Variants in MAP2K5 observed in about 807,000 individuals in gnomAD.
The protein encoded by MAP2K5 is dual specificity mitogen-activated protein kinase kinase 5.
MAP2K5 carries 49 observed loss-of-function variants against 83.1 expected under a neutral mutation model. The ratio of observed to expected loss-of-function variants is 0.59; its 90% CI spans 0.47 to 0.75. The LOEUF is 0.75. Ranked by LOEUF, MAP2K5 falls within the 30% of genes least tolerant of loss-of-function variation. MAP2K5 has a pLI of 0.00. For missense variants in MAP2K5, 457 were observed against 557.5 expected, an observed-to-expected ratio of 0.82 and a Z score of 1.82; for synonymous variants, 202 against 191.8, an observed-to-expected ratio of 1.05 and a Z score of -0.44.
intron 17 of MAP2K5, among the ~76,000 whole-genome samples, chr15:67,741,404 C>T (rs990702052): frequency 6.6e-6 from 1 of 152,204 alleles, no homozygotes; most frequent in African/African-American, 2.4e-5. Context: ...CCTTAGTAGG[C>T]TTCTTCCTTC....
intron 8 of MAP2K5, among the ~76,000 whole-genome samples, chr15:67,629,506 A>G (rs553926758): frequency 4.6e-5 from 7 of 152,282 alleles, no homozygotes; most frequent in African/African-American, 1.7e-4. Flanking sequence ...ATTTTCTGCT[A>G]AACAGCAGAA....
In MAP2K5 at chr15:67,802,082, G is replaced by C. The variant is rs1161789646; in HGVS notation, c.1243-4564G>C. Reference sequence around the variant, plus strand: ...CTTGCCCACAAGATGAGCACACCAAGCCCTGCCCCCTGCCTCCACGTGGGA... The same window carrying C: ...CTTGCCCACAAGATGAGCACACCAACCCCTGCCCCCTGCCTCCACGTGGGA... On this transcript the variant is annotated intron_variant, in intron 21 of 21. Transcript: ENST00000178640. This position sits in a 1 kb window ranked among gnomAD's most constrained non-coding sequence, Gnocchi z 5.0. 2.0e-5 allele frequency among the ~76,000 whole-genome samples: 3 copies of C among 152,196 alleles called. No homozygotes were observed. Among genetic ancestry groups the C allele is most frequent in the African/African-American group, 7.2e-5 (3 of 41,440 alleles).
chr15:67,623,088 C>T (rs896142660), intron 8 of MAP2K5, among the ~76,000 whole-genome samples: 2 of 152,096 alleles, frequency 1.3e-5, no homozygotes, highest in East Asian at 3.9e-4. Context: ...GGCGACAGAG[C>T]GAGACTCCGT....
At chr15:67,557,083 A>G (rs960738607) in intron 2 of MAP2K5, among the ~76,000 whole-genome samples, 6 of 152,222 alleles carry the variant, frequency 3.9e-5, no homozygotes, top group Admixed American at 2.0e-4. Flanking sequence ...CTTGACATTC[A>G]TATAGGCCCA....
rs947591963 is a variant in MAP2K5, at chr15:67,794,402, G to A, written c.1243-12244G>A. The stretch of plus-strand genomic sequence containing the variant: ...TTTTCGAAGAGTTTGCTTCCTTTTT[G>A]TGCATTTCCTTTTTTAAAAAAGGAG... On this transcript the variant is annotated intron_variant, in intron 21 of 21. Transcript: ENST00000178640. The surrounding 1 kb of genome is among the most constrained non-coding windows in gnomAD (Gnocchi z 4.6). Among the ~76,000 whole-genome samples, 1 of 152,054 alleles carries A rather than the reference G, an allele frequency of 6.6e-6. No individual in the cohort carries two copies. Among genetic ancestry groups the A allele is most frequent in the Non-Finnish European group, 1.5e-5 (1 of 68,020 alleles).
At chr15:67,578,932 T>C (rs531252490) in intron 3 of MAP2K5, among the ~76,000 whole-genome samples, 2 of 152,322 alleles carry the variant, frequency 1.3e-5, no homozygotes, top group South Asian at 4.1e-4. Context: ...AATTAACTTG[T>C]TAGATAAAGC....
rs2089643391 is a variant in MAP2K5 at position 67,748,106 on chromosome 15, A to G, written c.1075-125A>G. On this transcript the variant is annotated intron_variant, in intron 17 of 21. Transcript: ENST00000178640. The surrounding 1 kb of genome is among the most constrained non-coding windows in gnomAD (Gnocchi z 4.0). The stretch of plus-strand genomic sequence containing the variant: ...TAACATTTGTGTATTTTCATTATGT[A>G]AATTGTGTTAACACATGCCCACAAA... 6.2e-6 allele frequency: 4 copies of G among 648,796 alleles called. No individual in the cohort carries two copies. The South Asian group carries it at 8.5e-5, about 14-fold the overall frequency. The allele number at this position is 648,796 out of a possible 1,614,324, so 40.2% of individuals were successfully genotyped here.
Position 67,746,287 on chromosome 15 carries a change from TCTC to T in MAP2K5, c.1075-1940_1075-1938del, listed in dbSNP as rs1168737442. Among the ~76,000 whole-genome samples, 1 of 152,220 alleles carries T rather than the reference TCTC, an allele frequency of 6.6e-6. No homozygotes were observed. Among genetic ancestry groups the T allele is most frequent in the Non-Finnish European group, 1.5e-5 (1 of 68,034 alleles). On this transcript the variant is annotated intron_variant, in intron 17 of 21. Coordinates refer to ENST00000178640, the MANE Select transcript of MAP2K5 (RefSeq NM_145160.3). The surrounding 1 kb of genome is among the most constrained non-coding windows in gnomAD (Gnocchi z 4.1). The stretch of plus-strand genomic sequence containing the variant: ...CTCACTTAGAATGTTTGCTGCATGT[TCTC>T]CTCAGAGAATGTTGTCATCCCCCTG...
chr15:67,622,654 T>C (rs1250455832), intron 8 of MAP2K5, among the ~76,000 whole-genome samples: 1 of 151,870 alleles, frequency 6.6e-6, no homozygotes, highest in Non-Finnish European at 1.5e-5. Flanking sequence ...GCATAAAGAA[T>C]AGAAAGATGA....
chr15:67,759,791 G>T (rs569130575), intron 19 of MAP2K5, among the ~76,000 whole-genome samples: 1 of 152,278 alleles, frequency 6.6e-6, no homozygotes, highest in South Asian at 2.1e-4. Flanking sequence ...GACCCACAGT[G>T]TCTGACTATA....
chr15:67,547,055 A>T (rs8039797), intron 1 of MAP2K5, among the ~76,000 whole-genome samples: 2 of 146,618 alleles, frequency 1.4e-5, no homozygotes, highest in African/African-American at 5.1e-5. Context: ...ACAGAGCGAG[A>T]CCCTATCTCA....
chr15:67,584,858 A>G (rs766781139), intron 4 of MAP2K5, among the ~76,000 whole-genome samples: 15 of 151,238 alleles, frequency 9.9e-5, no homozygotes, highest in Non-Finnish European at 1.8e-4. Flanking sequence ...CACCATGCCC[A>G]GCTAATTTTT....
chr15:67,807,046 T>A lies in MAP2K5; in HGVS notation c.*296T>A. ...CCTGCCCACTTCTGTTTTCCTAATG[T>A]TTTTCTCTATAAAGGGTCAGGCCCG... On this transcript the variant is annotated 3_prime_UTR_variant, in exon 22 of 22. Transcript: ENST00000178640. This position sits in a 1 kb window ranked among gnomAD's most constrained non-coding sequence, Gnocchi z 5.1. 4.4e-6 allele frequency: 5 copies of A among 1,146,758 alleles called. No individual in the cohort carries two copies. The highest frequency in any genetic ancestry group is 3.2e-5 in the East Asian group (1 of 31,084). 71.0% of individuals were successfully genotyped at this position (1,146,758 alleles called of 1,614,324 possible).
At chr15:67,607,462 C>A (rs1249976638) in intron 8 of MAP2K5, among the ~76,000 whole-genome samples, 1 of 152,176 alleles carries the variant, frequency 6.6e-6, no homozygotes, top group African/African-American at 2.4e-5. Flanking sequence ...TTGCTTTTCC[C>A]CACCTCTCCA....
intron 9 of MAP2K5, chr15:67,641,756 T>A (rs1195343865): frequency 2.9e-6 from 1 of 343,828 alleles, no homozygotes; most frequent in East Asian, 1.6e-4. Flanking sequence ...GAGAAAAAAA[T>A]AATGAAGAAT....
chr15:67,728,190 A>T lies in MAP2K5; in HGVS notation c.1074+245A>T, dbSNP rs909484769. On this transcript the variant is annotated intron_variant, in intron 17 of 21. Transcript: ENST00000178640. Reference sequence around the variant, plus strand: ...GCTTTTCCTTTGTGTGACATTCGGGATTGTTTTTTTTCCTGGTCCAATACC... The same window carrying T: ...GCTTTTCCTTTGTGTGACATTCGGGTTTGTTTTTTTTCCTGGTCCAATACC... Among the ~76,000 whole-genome samples, 11 of 151,740 alleles carry T rather than the reference A, an allele frequency of 7.2e-5. No homozygotes were observed. The South Asian group carries it at 1.2e-3, about 17-fold the overall frequency.
rs1380726556 is a variant in MAP2K5, at chr15:67,764,350, T to C, written c.1135-5252T>C. ...GTCTGGGAGAGAGGAAAGAAGAAAG[T>C]AGGAGAGCAAAGAAGGTATCTCACA... On this transcript the variant is annotated intron_variant, in intron 19 of 21. Coordinates refer to ENST00000178640, the MANE Select transcript of MAP2K5 (RefSeq NM_145160.3). This position sits in a 1 kb window ranked among gnomAD's most constrained non-coding sequence, Gnocchi z 4.9. Among the ~76,000 whole-genome samples the C allele has an allele frequency of 2.6e-5, 4 of 152,110 alleles. No individual in the cohort carries two copies. Among genetic ancestry groups the C allele is most frequent in the Admixed American group, 1.3e-4 (2 of 15,282 alleles).
At chr15:67,589,745 G>A (rs1371349863) in intron 6 of MAP2K5, among the ~76,000 whole-genome samples, 1 of 151,514 alleles carries the variant, frequency 6.6e-6, no homozygotes. Context: ...GGAAAACTAG[G>A]ATCTGAATGT....
Position 67,779,426 on chromosome 15 carries a change from A to G in MAP2K5, c.1242+6674A>G, listed in dbSNP as rs2090290552. ...ACTTCAGCAAGAACAGAGAGATTATAACCCTAAGAAAACAGGCTTTGTTTT... is the reference window on the plus strand; with the variant it reads ...ACTTCAGCAAGAACAGAGAGATTATGACCCTAAGAAAACAGGCTTTGTTTT... On this transcript the variant is annotated intron_variant, in intron 21 of 21. Transcript: ENST00000178640. This position sits in a 1 kb window ranked among gnomAD's most constrained non-coding sequence, Gnocchi z 4.6. Among the ~76,000 whole-genome samples the G allele has an allele frequency of 6.6e-6, 1 of 152,260 alleles. No individual in the cohort carries two copies. Among genetic ancestry groups the G allele is most frequent in the African/African-American group, 2.4e-5 (1 of 41,472 alleles).
Sources: gnomAD v4.1 joint callset for allele counts (sites outside exome capture counted in the v4.1 genomes callset) on GRCh38, gnomAD v4.1.1 for gene constraint, Gnocchi (gnomAD v3.1) non-coding constraint, MANE v1.5 for transcripts, NCBI Gene and HGNC (gene_info 2026-07-23, HGNC 2026-07-21) for gene names.